The following WDR41 variants were observed in gnomAD, a reference collection of about 807,000 sequenced individuals.
The protein encoded by WDR41 is WD repeat-containing protein 41.
In WDR41, 63 loss-of-function variants were observed where a neutral mutation model predicts 69.3. The observed-to-expected ratio is 0.91, with a 90% CI of 0.74 to 1.12. The LOEUF is 1.12. WDR41 is among the 50% of genes most tolerant of loss of function. WDR41 has a pLI of 0.00. For synonymous variants in WDR41, 185 were observed against 192.1 expected (o/e 0.96, Z 0.31); for missense variants, 543 against 534.5 (o/e 1.02, Z -0.16).
rs1208289010 is a variant in WDR41, at chr5:77,474,643, A to G, written c.168-9834T>C. Reference sequence around the variant, plus strand: ...TTTTCCTTAAAAAAGAATGTATTATATTAACATGACTCTAACATCTAAAAG... The same window carrying G: ...TTTTCCTTAAAAAAGAATGTATTATGTTAACATGACTCTAACATCTAAAAG... On this transcript the variant is annotated intron_variant, in intron 2 of 12. Coordinates refer to ENST00000296679, the MANE Select transcript of WDR41 (RefSeq NM_018268.4). 1.2e-4 allele frequency among the ~76,000 whole-genome samples: 18 copies of G among 152,174 alleles called. 1 individual carries two copies. Among genetic ancestry groups the G allele is most frequent in the Admixed American group, 1.2e-3 (18 of 15,282 alleles).
chr5:77,613,213 T>C (rs1744600201), intron 1 of WDR41, among the ~76,000 whole-genome samples: 1 of 152,114 alleles, frequency 6.6e-6, no homozygotes, highest in South Asian at 2.1e-4. Context: ...AAAATGGCCA[T>C]ACTGCCCAAG....
At chr5:77,515,219 A>G (rs574036810) in intron 1 of WDR41, among the ~76,000 whole-genome samples, 3 of 152,212 alleles carry the variant, frequency 2.0e-5, no homozygotes, top group South Asian at 2.1e-4. Context: ...TACTTATTCT[A>G]TGAGCCTTTT....
At chr5:77,544,828 A>G (rs999084422) in intron 1 of WDR41, among the ~76,000 whole-genome samples, 6 of 152,090 alleles carry the variant, frequency 3.9e-5, no homozygotes, top group Non-Finnish European at 7.3e-5. Context: ...GACTTAATAG[A>G]TATATACAGA....
chr5:77,473,018 T>C (rs1206302051), intron 2 of WDR41, among the ~76,000 whole-genome samples: 3 of 152,064 alleles, frequency 2.0e-5, no homozygotes, highest in Non-Finnish European at 4.4e-5. Context: ...TGACTTCAAA[T>C]TATACTACAA....
intron 1 of WDR41, among the ~76,000 whole-genome samples, chr5:77,521,376 G>A (rs1346526406): frequency 6.6e-6 from 1 of 152,230 alleles, no homozygotes; most frequent in Admixed American, 6.5e-5. Flanking sequence ...CTCACCTCCT[G>A]CTGTGCAGCC....
chr5:77,546,360 G>T (rs1427037469), intron 1 of WDR41: 5 of 221,702 alleles, frequency 2.3e-5, no homozygotes, highest in Non-Finnish European at 4.3e-5. Flanking sequence ...AAATAAAATC[G>T]ATGGACCATT....
chr5:77,608,030 C>G (rs896116074), intron 1 of WDR41, among the ~76,000 whole-genome samples: 1 of 152,150 alleles, frequency 6.6e-6, no homozygotes, highest in Non-Finnish European at 1.5e-5. Flanking sequence ...TCCACAACCT[C>G]TTTTCTCTTG....
intron 1 of WDR41, among the ~76,000 whole-genome samples, chr5:77,563,613 C>A (rs1419317868): frequency 6.6e-6 from 1 of 152,156 alleles, no homozygotes; most frequent in Non-Finnish European, 1.5e-5. Flanking sequence ...TGAGTGCTTA[C>A]TATGTACCAG....
At chr5:77,567,618 CTAAG>C (rs911773257) in intron 1 of WDR41, among the ~76,000 whole-genome samples, 4 of 138,436 alleles carry the variant, frequency 2.9e-5, no homozygotes, top group African/African-American at 1.1e-4. Flanking sequence ...TCTCTACAAA[CTAAG>C]TACTGAAGTA....
intron 1 of WDR41, among the ~76,000 whole-genome samples, chr5:77,530,200 AC>A (rs1802507153): frequency 6.6e-6 from 1 of 151,652 alleles, no homozygotes. Context: ...TGTAGAGCAA[AC>A]AAAACTCTCA....
chr5:77,582,264 A>G lies in WDR41; in HGVS notation c.42+38215T>C. 7 of 1,004,078 alleles carry G rather than the reference A, an allele frequency of 7.0e-6. 1 individual carries two copies. The South Asian group carries it at 1.0e-4, about 14-fold the overall frequency. The allele number at this position is 1,004,078 out of a possible 1,614,324, so 62.2% of individuals were successfully genotyped here. A position where few individuals can be genotyped will look rare whatever the true frequency, so the allele number is the denominator to read the frequency against. On this transcript the variant is annotated intron_variant, in intron 1 of 5. Transcript: ENST00000509971. ...GAAATGGACAAAATTCCTAAAAGAC[A>G]CAAATTACCAACTCTGGCTCAGCAA...
intron 8 of WDR41, among the ~76,000 whole-genome samples, chr5:77,443,391 A>G (rs955096376): frequency 6.6e-6 from 1 of 152,190 alleles, no homozygotes; most frequent in African/African-American, 2.4e-5. Flanking sequence ...CCACATGAAC[A>G]ATCTCTTAAG....
At chr5:77,528,665 A>C (rs1802482901) in intron 1 of WDR41, among the ~76,000 whole-genome samples, 1 of 151,722 alleles carries the variant, frequency 6.6e-6, no homozygotes. Flanking sequence ...TCAACAACAC[A>C]TGGAAAGAAT....
chr5:77,443,876 CTTTTTTTTTTTTTT>C (rs746105630), intron 8 of WDR41, among the ~76,000 whole-genome samples: 1 of 105,006 alleles, frequency 9.5e-6, no homozygotes, highest in Non-Finnish European at 1.9e-5. Flanking sequence ...TCAATCAGCA[CTTTTTTTTTTTTTT>C]TTTTTTTTTT....
At chr5:77,530,609 G>GA (rs995520296) in intron 1 of WDR41, among the ~76,000 whole-genome samples, 5 of 151,648 alleles carry the variant, frequency 3.3e-5, no homozygotes, top group African/African-American at 1.2e-4. Context: ...GGGAGTTTGG[G>GA]AAAATTCATG....
intron 4 of WDR41, among the ~76,000 whole-genome samples, chr5:77,461,694 C>T (rs992634807): frequency 2.0e-5 from 3 of 151,932 alleles, no homozygotes; most frequent in East Asian, 1.9e-4. Context: ...AAAAATTAGC[C>T]GGACGTGGTG....
chr5:77,497,842 C>G (rs1581774038), intron 1 of WDR41, among the ~76,000 whole-genome samples: 1 of 152,232 alleles, frequency 6.6e-6, no homozygotes, highest in African/African-American at 2.4e-5. Flanking sequence ...GGAGACATCC[C>G]AAGTGTCCAT....
At chr5:77,521,623 T>C (rs1344137685) in intron 1 of WDR41, among the ~76,000 whole-genome samples, 1 of 152,220 alleles carries the variant, frequency 6.6e-6, no homozygotes, top group East Asian at 1.9e-4. Flanking sequence ...GACATCTTTC[T>C]ATAAAGTACT....
intron 1 of WDR41, among the ~76,000 whole-genome samples, chr5:77,593,539 A>G (rs60018156): frequency 0.062 from 9,434 of 152,302 alleles, 394 homozygotes; most frequent in Admixed American, 0.14. Context: ...AATAATACAT[A>G]AGAACACAAG....
Sources: allele counts gnomAD v4.1 joint callset (sites outside exome capture counted in the v4.1 genomes callset), GRCh38; gene constraint gnomAD v4.1.1; transcripts MANE v1.5; gene names NCBI Gene and HGNC (gene_info 2026-07-23, HGNC 2026-07-21).